NGEF: variants seen among roughly 807,000 people sequenced by gnomAD.
NGEF encodes ephexin-1.
NGEF carries 31 observed loss-of-function variants against 80.9 expected under a neutral mutation model. The observed-to-expected ratio is 0.38, with a 90% CI of 0.29 to 0.52. The LOEUF is 0.52. Ranked by LOEUF, NGEF falls within the 20% of genes least tolerant of loss-of-function variation. The pLI, the probability that NGEF is intolerant of heterozygous loss-of-function variation, is 0.84. For missense variants in NGEF, 709 were observed against 926.2 expected (o/e 0.77, Z 3.04); for synonymous variants, 371 against 370.2 (o/e 1.00, Z -0.03).
intron 5 of NGEF, among the ~76,000 whole-genome samples, chr2:232,899,792 TCA>T (rs1253412231): frequency 1.0e-5 from 1 of 98,780 alleles, no homozygotes; most frequent in Non-Finnish European, 2.1e-5. Context: ...TCACTCACAT[TCA>T]CTCACACACA....
At chr2:232,904,058 G>A (rs1015427125) in intron 5 of NGEF, among the ~76,000 whole-genome samples, 2 of 152,096 alleles carry the variant, frequency 1.3e-5, no homozygotes, top group African/African-American at 4.8e-5. Context: ...AGCATCTACC[G>A]AAAGAAAAGA....
At chr2:232,948,147 A>G (rs1380801841) in intron 3 of NGEF, among the ~76,000 whole-genome samples, 3 of 141,570 alleles carry the variant, frequency 2.1e-5, no homozygotes, top group Non-Finnish European at 4.6e-5. Flanking sequence ...TAGCCTGGAG[A>G]TGTGTGTGTG....
chr2:232,927,300 G>A (rs971827792), intron 3 of NGEF, 114 bp from the exon 4 acceptor site: 1 of 1,205,912 alleles, frequency 8.3e-7, no homozygotes, highest in Non-Finnish European at 1.1e-6. Context: ...CCTTACCCGG[G>A]ACCGTCCAGG....
chr2:232,943,800 T>C (rs1423347827), intron 3 of NGEF, among the ~76,000 whole-genome samples: 1 of 151,330 alleles, frequency 6.6e-6, no homozygotes, highest in African/African-American at 2.4e-5. Context: ...CGGCCCGGAA[T>C]GCTCTACATT....
At chr2:232,988,332 A>G (rs1309666031) in intron 1 of NGEF, among the ~76,000 whole-genome samples, 1 of 152,240 alleles carries the variant, frequency 6.6e-6, no homozygotes, top group Non-Finnish European at 1.5e-5. Context: ...TATAAACAGC[A>G]CACAGAAAGT....
At position 232,890,557 on chromosome 2, in the gene NGEF, C is replaced by T. The variant is rs149833207; in HGVS notation, c.1272+801G>A. ...CATCTCAAACTCAGTTCATCCTGCC[C>T]TGAATCCTGAGCCCTCCCCGCCCCA... On this transcript the variant is annotated intron_variant, in intron 8 of 14. Coordinates refer to ENST00000264051, the MANE Select transcript of NGEF (RefSeq NM_019850.3). 3.3e-3 allele frequency among the ~76,000 whole-genome samples: 509 copies of T among 152,338 alleles called. 4 individuals are homozygous for T. The highest frequency in any genetic ancestry group is 0.012 in the African/African-American group (495 of 41,572).
At chr2:232,944,726 A>AATATAT (rs57851903) in intron 3 of NGEF, among the ~76,000 whole-genome samples, 3,939 of 108,062 alleles carry the variant, frequency 0.036, 165 homozygotes, top group Non-Finnish European at 0.052. Context: ...GACTTTTCCG[A>AATATAT]ATATATATAT....
Position 232,905,900 on chromosome 2 carries a change from G to A in NGEF, c.829-10984C>T, listed in dbSNP as rs563592417. On this transcript the variant is annotated intron_variant, in intron 5 of 14. Coordinates refer to ENST00000264051, the MANE Select transcript of NGEF (RefSeq NM_019850.3). ...CCCCGTCCGGGAGGGAGGTGGGGGGGTCAGCCCCCCGCCCGGCCAGCCGCC... is the reference window on the plus strand; with the variant it reads ...CCCCGTCCGGGAGGGAGGTGGGGGGATCAGCCCCCCGCCCGGCCAGCCGCC... 3.5e-3 allele frequency: 589 copies of A among 169,528 alleles called. 29 individuals carry two copies. In the South Asian group the frequency reaches 0.043, roughly 12 times the overall value. 10.5% of individuals were successfully genotyped at this position (169,528 alleles called of 1,614,324 possible). A position where few individuals can be genotyped will look rare whatever the true frequency, so the allele number is the denominator to read the frequency against.
At chr2:232,890,480 C>T (rs912965559) in intron 8 of NGEF, among the ~76,000 whole-genome samples, 2 of 152,132 alleles carry the variant, frequency 1.3e-5, no homozygotes, top group African/African-American at 4.8e-5. Context: ...CCAGCGAGTC[C>T]TGCCCAACTT....
chr2:232,955,011 G>A (rs766066462), intron 3 of NGEF, among the ~76,000 whole-genome samples: 2 of 151,828 alleles, frequency 1.3e-5, no homozygotes, highest in Non-Finnish European at 2.9e-5. Context: ...TTCGTAATAC[G>A]CCTATTCATA....
chr2:232,921,994 G>A (rs544529756), intron 4 of NGEF, among the ~76,000 whole-genome samples: 9 of 152,184 alleles, frequency 5.9e-5, no homozygotes, highest in Admixed American at 2.6e-4. Flanking sequence ...TGAGGGTGGC[G>A]TTGGGGTGGG....
At chr2:232,929,622 A>C (rs1693178750) in intron 3 of NGEF, among the ~76,000 whole-genome samples, 1 of 152,086 alleles carries the variant, frequency 6.6e-6, no homozygotes, top group Non-Finnish European at 1.5e-5. Flanking sequence ...CAAGCCAAGC[A>C]CCGCCCTTCC....
At chr2:232,918,981 T>G (rs891233200) in intron 5 of NGEF, among the ~76,000 whole-genome samples, 1 of 152,194 alleles carries the variant, frequency 6.6e-6, no homozygotes, top group African/African-American at 2.4e-5. Context: ...AATGTAGCCA[T>G]TTACAAATCA....
chr2:233,000,637 G>A (rs1694953001), intron 1 of NGEF, among the ~76,000 whole-genome samples: 1 of 151,988 alleles, frequency 6.6e-6, no homozygotes, highest in Admixed American at 6.5e-5. Context: ...GCGGGCGCCT[G>A]TAGTCCCAGC....
At position 232,885,391 on chromosome 2, in the gene NGEF, A is replaced by G. The variant is rs772960773; in HGVS notation, c.1348-22T>C. The G allele has an allele frequency of 3.1e-6, 5 of 1,608,042 alleles. No individual in the cohort carries two copies. In the African/African-American group the frequency reaches 5.3e-5, roughly 17 times the overall value. ...CCACCTGGGACAAGAAGGAGGGCAC[A>G]TCAGGCCACCAAAGCCGGCTGTCCC... On this transcript the variant is annotated intron_variant, in intron 9 of 14. Coordinates refer to ENST00000264051, the MANE Select transcript of NGEF (RefSeq NM_019850.3).
intron 5 of NGEF, among the ~76,000 whole-genome samples, chr2:232,918,082 T>C (rs1475564716): frequency 4.6e-5 from 7 of 152,008 alleles, no homozygotes; most frequent in African/African-American, 1.7e-4. Context: ...GCCTCCTGAG[T>C]AGAGTAGCTG....
At chr2:232,887,122 C>G (rs1213944019) in intron 9 of NGEF, among the ~76,000 whole-genome samples, 1 of 152,242 alleles carries the variant, frequency 6.6e-6, no homozygotes, top group East Asian at 1.9e-4. Flanking sequence ...TTTTACTAAG[C>G]TTCTGCCATG....
intron 5 of NGEF, among the ~76,000 whole-genome samples, chr2:232,914,578 CT>C (rs2106269855): frequency 6.6e-6 from 1 of 152,176 alleles, no homozygotes; most frequent in East Asian, 1.9e-4. Flanking sequence ...TGGTGTACAC[CT>C]GTAGTCTCAG....
At position 232,894,842 on chromosome 2, in the gene NGEF, C is replaced by A. The variant is rs1692006959; in HGVS notation, c.903G>T (p.Glu301Asp). The change falls in exon 6 of 15, where the codon GAG becomes GAT. Residue 301 changes from glutamate to aspartate, a missense_variant. Glu to Asp is a conservative substitution (Grantham distance 45). Coordinates refer to ENST00000264051, the MANE Select transcript of NGEF (RefSeq NM_019850.3). ...GCAGGATCTTCCTTATCCGCTCGTTCTCCATGAAGTGGGACACGAGCAGGT... is the reference window on the plus strand; with the variant it reads ...GCAGGATCTTCCTTATCCGCTCGTTATCCATGAAGTGGGACACGAGCAGGT... ...SLNLLVSHFM[E>D]NERIRKILHP... The A allele has an allele frequency of 6.2e-7, 1 of 1,611,444 alleles. No homozygotes were observed. The highest frequency in any genetic ancestry group is 1.7e-5 in the Admixed American group (1 of 59,990).
Sources: gnomAD v4.1 joint callset for allele counts (sites outside exome capture counted in the v4.1 genomes callset) on GRCh38, gnomAD v4.1.1 for gene constraint, MANE v1.5 for transcripts, NCBI Gene and HGNC (gene_info 2026-07-23, HGNC 2026-07-21) for gene names.